The following SRRM4 variants were observed in gnomAD, a reference collection of about 807,000 sequenced individuals.
SRRM4 encodes serine/arginine repetitive matrix 4, also known as serine/arginine repetitive matrix protein 4.
Under a neutral mutation model 68.9 loss-of-function variants are expected in SRRM4, and 33 were observed. That is an observed-to-expected ratio of 0.48 (90% CI 0.36 to 0.64). SRRM4 has a LOEUF of 0.64. Ranked by LOEUF, SRRM4 falls within the 30% of genes least tolerant of loss-of-function variation. The probability of loss-of-function intolerance (pLI) is 0.00; values close to 1 mark genes in which losing one functional copy is unlikely to be tolerated. For missense variants in SRRM4, 817 were observed against 827.1 expected (o/e 0.99, Z 0.15); for synonymous variants, 318 against 318.8 (o/e 1.00, Z 0.03).
rs143100404 is a variant in SRRM4, at chr12:119,043,041, G to T, written c.132-59195G>T. On this transcript the variant is annotated intron_variant, in intron 1 of 12. Transcript: ENST00000267260. ...TTTGACCCAGCAATCTCATTACTGG[G>T]TATATATCCAGAGGAATATAAATCA... Among the ~76,000 whole-genome samples, 347 of 152,218 alleles carry T rather than the reference G, an allele frequency of 2.3e-3. 2 individuals are homozygous for T. Among genetic ancestry groups the T allele is most frequent in the African/African-American group, 7.9e-3 (329 of 41,534 alleles).
intron 1 of SRRM4, among the ~76,000 whole-genome samples, chr12:119,052,390 C>G (rs1349396544): frequency 2.6e-5 from 4 of 152,084 alleles, no homozygotes; most frequent in Non-Finnish European, 5.9e-5. Flanking sequence ...TTAGTGTTTC[C>G]AAGACTCACC....
chr12:119,114,614 A>G (rs1366930132), intron 3 of SRRM4, among the ~76,000 whole-genome samples: 1 of 151,842 alleles, frequency 6.6e-6, no homozygotes, highest in Non-Finnish European at 1.5e-5. Context: ...AGCGGCTGTC[A>G]CAGTACCTGG....
intron 1 of SRRM4, among the ~76,000 whole-genome samples, chr12:119,086,027 GAA>G (rs1953977808): frequency 6.6e-6 from 1 of 152,104 alleles, no homozygotes; most frequent in Non-Finnish European, 1.5e-5. Context: ...GCCTCTTTAG[GAA>G]AAAGAGATGA....
chr12:119,117,868 C>T (rs1258927395), intron 4 of SRRM4, among the ~76,000 whole-genome samples: 1 of 152,130 alleles, frequency 6.6e-6, no homozygotes, highest in Non-Finnish European at 1.5e-5. Context: ...GCCGAGATCG[C>T]TCCATTGCAC....
intron 2 of SRRM4, among the ~76,000 whole-genome samples, chr12:119,111,446 C>A (rs1275441624): frequency 6.6e-6 from 1 of 152,198 alleles, no homozygotes; most frequent in Non-Finnish European, 1.5e-5. Context: ...AAATGCAAAT[C>A]AAGGACGAAG....
At chr12:119,144,359 C>A (rs1817749550) in intron 8 of SRRM4, among the ~76,000 whole-genome samples, 1 of 152,130 alleles carries the variant, frequency 6.6e-6, no homozygotes. Flanking sequence ...TATGACAAAA[C>A]CAAAACAGAA....
At chr12:119,068,909 A>T (rs1953861803) in intron 1 of SRRM4, among the ~76,000 whole-genome samples, 1 of 152,032 alleles carries the variant, frequency 6.6e-6, no homozygotes, top group Non-Finnish European at 1.5e-5. Context: ...GCGACGAGTG[A>T]TGATTTGGGG....
chr12:119,109,332 G>A (rs1468508814), intron 2 of SRRM4, among the ~76,000 whole-genome samples: 3 of 152,240 alleles, frequency 2.0e-5, no homozygotes, highest in South Asian at 4.2e-4. Context: ...GTATCTTGTG[G>A]CGTTCTCTGT....
chr12:119,160,415 C>T lies in SRRM4; in HGVS notation c.*3617C>T, dbSNP rs535406795. 1 of 152,228 alleles carries T rather than the reference C, an allele frequency of 6.6e-6. No individual in the cohort carries two copies. The highest frequency in any genetic ancestry group is 1.5e-5 in the Non-Finnish European group (1 of 68,022). The allele number at this position is 152,228 out of a possible 1,614,324, so 9.4% of individuals were successfully genotyped here. A position where few individuals can be genotyped will look rare whatever the true frequency, so the allele number is the denominator to read the frequency against. The stretch of plus-strand genomic sequence containing the variant: ...CACTGGTAACCCTGATTAACCAGAA[C>T]CTCCCATTCCCAGTATCGCTGTTCC... On this transcript the variant is annotated 3_prime_UTR_variant, in exon 13 of 13. Transcript: ENST00000267260.
chr12:119,104,277 C>T (rs972907914), intron 2 of SRRM4, among the ~76,000 whole-genome samples: 11 of 151,980 alleles, frequency 7.2e-5, no homozygotes, highest in African/African-American at 2.4e-4. Flanking sequence ...AGAGAAGATT[C>T]TGGTTATGAA....
Position 118,981,712 on chromosome 12 carries a change from C to A in SRRM4, c.-171C>A. ...CGGACGAGCCTCCTTTCTCTGCTGC[C>A]TGCCCGGGCTGGGGCGTCCCATCCC... On this transcript the variant is annotated 5_prime_UTR_variant, in exon 1 of 13. It adds an upstream start codon to the 5' untranslated region. Coordinates refer to ENST00000267260, the MANE Select transcript of SRRM4 (RefSeq NM_194286.4). The A allele has an allele frequency of 1.4e-6, 1 of 696,000 alleles. No individual in the cohort carries two copies. Among genetic ancestry groups the A allele is most frequent in the Non-Finnish European group, 2.3e-6 (1 of 430,234 alleles). The allele number at this position is 696,000 out of a possible 1,614,324, so 43.1% of individuals were successfully genotyped here.
chr12:119,075,900 C>CGGTGATGGT (rs1953910158), intron 1 of SRRM4, among the ~76,000 whole-genome samples: 1 of 78,968 alleles, frequency 1.3e-5, no homozygotes, highest in African/African-American at 3.8e-5. Flanking sequence ...ATGATGGTAG[C>CGGTGATGGT]GATGATGGTG....
intron 1 of SRRM4, among the ~76,000 whole-genome samples, chr12:119,046,396 T>C (rs1273362248): frequency 6.6e-6 from 1 of 152,210 alleles, no homozygotes; most frequent in African/African-American, 2.4e-5. Flanking sequence ...AGTCTGGGTT[T>C]GGATTCCAAC....
chr12:119,075,627 T>A lies in SRRM4; in HGVS notation c.132-26609T>A, dbSNP rs531258685. Reference sequence around the variant, plus strand: ...TTGATGATGGTGGTGATGGTGATGATGATAGTGGTAATGATGATGATGATG... The same window carrying A: ...TTGATGATGGTGGTGATGGTGATGAAGATAGTGGTAATGATGATGATGATG... On this transcript the variant is annotated intron_variant, in intron 1 of 12. Transcript: ENST00000267260. 5.3e-5 allele frequency among the ~76,000 whole-genome samples: 8 copies of A among 151,474 alleles called. No homozygotes were observed. The East Asian group carries it at 1.6e-3, about 30-fold the overall frequency.
At chr12:119,138,064 T>C (rs908211119) in intron 8 of SRRM4, among the ~76,000 whole-genome samples, 1 of 152,096 alleles carries the variant, frequency 6.6e-6, no homozygotes, top group African/African-American at 2.4e-5. Context: ...TGAGTAACAA[T>C]GATCTCGTGG....
At chr12:119,087,718 T>G (rs1462620328) in intron 1 of SRRM4, among the ~76,000 whole-genome samples, 1 of 152,096 alleles carries the variant, frequency 6.6e-6, no homozygotes, top group Non-Finnish European at 1.5e-5. Flanking sequence ...GCATGGGGGA[T>G]GCAGAGACAT....
chr12:119,036,053 T>A (rs1161902636), intron 1 of SRRM4, among the ~76,000 whole-genome samples: 1 of 152,198 alleles, frequency 6.6e-6, no homozygotes, highest in Non-Finnish European at 1.5e-5. Flanking sequence ...AGTCAGGTGC[T>A]TGGAGAGATA....
At chr12:118,982,961 A>T (rs1192477068) in intron 1 of SRRM4, among the ~76,000 whole-genome samples, 1 of 152,168 alleles carries the variant, frequency 6.6e-6, no homozygotes, top group Non-Finnish European at 1.5e-5. Context: ...AAATCAAGGT[A>T]GTATGAAAAC....
intron 1 of SRRM4, among the ~76,000 whole-genome samples, chr12:119,084,082 G>C (rs574700784): frequency 6.6e-6 from 1 of 152,300 alleles, no homozygotes; most frequent in South Asian, 2.1e-4. Flanking sequence ...CATTTTACAG[G>C]TGCAGGAACT....
Sources: allele counts gnomAD v4.1 joint callset (sites outside exome capture counted in the v4.1 genomes callset), GRCh38; gene constraint gnomAD v4.1.1; transcripts MANE v1.5; gene names NCBI Gene and HGNC (gene_info 2026-07-23, HGNC 2026-07-21).